Variants in NEK11 observed in about 807,000 individuals in gnomAD.
NEK11 encodes serine/threonine-protein kinase Nek11.
In NEK11, 72 loss-of-function variants were observed where a neutral mutation model predicts 80.7. The ratio of observed to expected loss-of-function variants is 0.89; its 90% CI spans 0.74 to 1.08. NEK11 has a LOEUF of 1.08. Ranked by LOEUF, NEK11 falls within the 50% of genes least tolerant of loss-of-function variation. NEK11 has a pLI of 0.00. For missense variants in NEK11, 764 were observed against 763.6 expected (o/e 1.00, Z -0.01); for synonymous variants, 251 against 260.7 (o/e 0.96, Z 0.36).
At chr3:131,266,790 A>AAT (rs1294258535) in intron 16 of NEK11, among the ~76,000 whole-genome samples, 2 of 150,794 alleles carry the variant, frequency 1.3e-5, no homozygotes, top group Non-Finnish European at 3.0e-5. Context: ...TGATCTGTCT[A>AAT]ATAAAGTCTC....
intron 3 of NEK11, among the ~76,000 whole-genome samples, chr3:131,040,112 T>C (rs544940350): frequency 6.6e-6 from 1 of 152,348 alleles, no homozygotes; most frequent in Non-Finnish European, 1.5e-5. Context: ...TTGTGTGACC[T>C]TTATTGCTTT....
intron 3 of NEK11, among the ~76,000 whole-genome samples, chr3:131,037,515 C>G (rs2065834722): frequency 2.0e-5 from 3 of 152,216 alleles, no homozygotes; most frequent in Admixed American, 2.0e-4. Flanking sequence ...AACTCTTAAC[C>G]TCGTGGTCCA....
chr3:131,345,541 A>T (rs1201823777), intron 17 of NEK11, among the ~76,000 whole-genome samples: 1 of 152,196 alleles, frequency 6.6e-6, no homozygotes, highest in African/African-American at 2.4e-5. Flanking sequence ...GAAATAACAA[A>T]TGTTGGTGTG....
At chr3:131,219,490 G>A (rs1415456674) in intron 14 of NEK11, among the ~76,000 whole-genome samples, 1 of 151,882 alleles carries the variant, frequency 6.6e-6, no homozygotes, top group African/African-American at 2.4e-5. Context: ...CAAACCATCA[G>A]GACGCGTGTG....
At chr3:131,225,736 A>G (rs1012411003) in intron 14 of NEK11, among the ~76,000 whole-genome samples, 1 of 152,188 alleles carries the variant, frequency 6.6e-6, no homozygotes, top group African/African-American at 2.4e-5. Flanking sequence ...GTGTTTTTCA[A>G]ACTGCAGGTT....
chr3:131,294,606 T>C (rs2096574766), intron 17 of NEK11, among the ~76,000 whole-genome samples: 1 of 152,150 alleles, frequency 6.6e-6, no homozygotes, highest in African/African-American at 2.4e-5. Context: ...TTCAACTATG[T>C]CCTTACTGAT....
At chr3:131,127,471 C>A (rs962176513) in intron 5 of NEK11, among the ~76,000 whole-genome samples, 6 of 150,292 alleles carry the variant, frequency 4.0e-5, no homozygotes, top group African/African-American at 1.5e-4. Flanking sequence ...ACTCCTAGTG[C>A]ATATAAAAAT....
At chr3:131,172,314 T>G (rs1028095968) in intron 14 of NEK11, among the ~76,000 whole-genome samples, 2 of 152,228 alleles carry the variant, frequency 1.3e-5, no homozygotes, top group Admixed American at 1.3e-4. Flanking sequence ...TAACAGCTCT[T>G]TTTGGCAGCA....
At chr3:131,306,900 T>A (rs554196922) in intron 17 of NEK11, among the ~76,000 whole-genome samples, 4 of 152,294 alleles carry the variant, frequency 2.6e-5, no homozygotes, top group Admixed American at 6.5e-5. Flanking sequence ...CATGTTTTCC[T>A]ACCCCAGCAC....
At chr3:131,189,035 A>G (rs919416789) in intron 14 of NEK11, among the ~76,000 whole-genome samples, 4 of 152,150 alleles carry the variant, frequency 2.6e-5, no homozygotes, top group African/African-American at 9.7e-5. Flanking sequence ...AGATATATTA[A>G]TACAAAGAAG....
At chr3:131,262,800 C>T (rs1212692682) in intron 16 of NEK11, among the ~76,000 whole-genome samples, 3 of 152,140 alleles carry the variant, frequency 2.0e-5, no homozygotes, top group Non-Finnish European at 4.4e-5. Context: ...TCTCCTAATG[C>T]TATCCCTCTA....
At chr3:131,271,137 G>A (rs912578917) in intron 16 of NEK11, among the ~76,000 whole-genome samples, 8 of 152,204 alleles carry the variant, frequency 5.3e-5, no homozygotes, top group African/African-American at 7.2e-5. Context: ...AGTGAGGGCC[G>A]AGGCAAATTT....
chr3:131,044,752 C>G (rs2067124614), intron 3 of NEK11, among the ~76,000 whole-genome samples: 1 of 152,102 alleles, frequency 6.6e-6, no homozygotes, highest in African/African-American at 2.4e-5. Flanking sequence ...GACTTGAACT[C>G]AGCTCTGGAC....
In NEK11 at chr3:131,291,178, T is replaced by A. The variant is rs1313795855; in HGVS notation, c.1718+17604T>A. On this transcript the variant is annotated intron_variant, in intron 17 of 17. Coordinates refer to ENST00000383366, the MANE Select transcript of NEK11 (RefSeq NM_024800.5). ...TTTCTGGAATGTCATATAGTTGTAATGATATAGTATGTGCCCCTTTTCAGT... is the reference window on the plus strand; with the variant it reads ...TTTCTGGAATGTCATATAGTTGTAAAGATATAGTATGTGCCCCTTTTCAGT... 2.6e-5 allele frequency among the ~76,000 whole-genome samples: 4 copies of A among 152,228 alleles called. No individual in the cohort carries two copies. The South Asian group carries it at 8.3e-4, about 31-fold the overall frequency.
chr3:131,209,133 C>T (rs139481478), intron 14 of NEK11, among the ~76,000 whole-genome samples: 10 of 152,234 alleles, frequency 6.6e-5, no homozygotes, highest in East Asian at 5.8e-4. Flanking sequence ...TTTTGAGCTA[C>T]GTCCCATCAA....
At chr3:131,315,329 GTT>G (rs1275767879) in intron 17 of NEK11, among the ~76,000 whole-genome samples, 4 of 151,950 alleles carry the variant, frequency 2.6e-5, no homozygotes, top group African/African-American at 9.7e-5. Flanking sequence ...TATGCAATCT[GTT>G]TTCTTTTTTT....
At chr3:131,319,803 T>G (rs2096879608) in intron 17 of NEK11, among the ~76,000 whole-genome samples, 1 of 152,126 alleles carries the variant, frequency 6.6e-6, no homozygotes, top group Non-Finnish European at 1.5e-5. Context: ...AATACACTAT[T>G]CTTTATGGTG....
At chr3:131,278,558 GT>G (rs144836770) in intron 17 of NEK11, among the ~76,000 whole-genome samples, 29,033 of 150,736 alleles carry the variant, frequency 0.19, 5,213 homozygotes, top group African/African-American at 0.47. Flanking sequence ...GTTTTGTTTT[GT>G]TTTTTTTTGT....
At chr3:131,251,301 CT>C (rs2095698727) in intron 16 of NEK11, among the ~76,000 whole-genome samples, 1 of 150,996 alleles carries the variant, frequency 6.6e-6, no homozygotes, top group Non-Finnish European at 1.5e-5. Context: ...ACATTAAAAG[CT>C]TTGACTTAAA....
Sources: gnomAD v4.1 joint callset for allele counts (sites outside exome capture counted in the v4.1 genomes callset) on GRCh38, gnomAD v4.1.1 for gene constraint, MANE v1.5 for transcripts, NCBI Gene and HGNC (gene_info 2026-07-23, HGNC 2026-07-21) for gene names.